The following THUMPD3 variants were observed in gnomAD, a reference collection of about 807,000 sequenced individuals.
THUMPD3 encodes the protein THUMP domain 3 tRNA guanosine methyltransferase.
A neutral mutation model predicts 54.5 loss-of-function variants in THUMPD3; 44 were observed. That is an observed-to-expected ratio of 0.81 (90% confidence interval 0.63 to 1.04). The LOEUF (loss-of-function observed/expected upper bound fraction) is 1.04, where lower values mean the gene tolerates loss of function less well. THUMPD3 is among the 50% of genes least tolerant of loss of function. The probability of loss-of-function intolerance (pLI) is 0.00; values close to 1 mark genes in which losing one functional copy is unlikely to be tolerated. For synonymous variants in THUMPD3, 196 were observed against 201.4 expected, an observed-to-expected ratio of 0.97 and a Z score of 0.23; for missense variants, 604 against 601.3, an observed-to-expected ratio of 1.00 and a Z score of -0.05.
At chr3:9,381,381 T>C (rs576950392) in intron 7 of THUMPD3, among the ~76,000 whole-genome samples, 6 of 152,248 alleles carry the variant, frequency 3.9e-5, no homozygotes, top group Admixed American at 1.3e-4. Context: ...CAAACATTAA[T>C]GTACATGTGA....
In THUMPD3 at chr3:9,386,072, G is replaced by A. The variant is rs1472438865; in HGVS notation, c.*1384G>A. 4 of 152,120 alleles carry A rather than the reference G, an allele frequency of 2.6e-5. No homozygotes were observed. Among genetic ancestry groups the A allele is most frequent in the Non-Finnish European group, 4.4e-5 (3 of 68,026 alleles). 9.4% of individuals were successfully genotyped at this position (152,120 alleles called of 1,614,324 possible). On this transcript the variant is annotated 3_prime_UTR_variant, in exon 10 of 10. Transcript: ENST00000452837. Reference sequence around the variant, plus strand: ...TAATACTTTCTGATGTCTCCATTGAGAATAAAAGGACACAATACTTTTGAA... The same window carrying A: ...TAATACTTTCTGATGTCTCCATTGAAAATAAAAGGACACAATACTTTTGAA...
At chr3:9,371,573 C>A in intron 4 of THUMPD3, 37 bp downstream of exon 4, 1 of 1,507,556 alleles carries the variant, frequency 6.6e-7, no homozygotes, top group Non-Finnish European at 9.1e-7. Flanking sequence ...TTGAAGAATG[C>A]TGTCACAGAT....
chr3:9,372,339 G>A (rs1188334045), intron 4 of THUMPD3, among the ~76,000 whole-genome samples: 1 of 152,188 alleles, frequency 6.6e-6, no homozygotes. Flanking sequence ...ACTTTGGGAG[G>A]GAGGCCGAGG....
intron 7 of THUMPD3, among the ~76,000 whole-genome samples, chr3:9,381,956 TG>T (rs1410782166): frequency 6.6e-6 from 1 of 151,250 alleles, no homozygotes; most frequent in Non-Finnish European, 1.5e-5. Context: ...ATTTTTTTTT[TG>T]TATTTTTAGT....
intron 6 of THUMPD3, among the ~76,000 whole-genome samples, chr3:9,378,254 C>T (rs1345753907): frequency 6.6e-6 from 1 of 152,156 alleles, no homozygotes; most frequent in Non-Finnish European, 1.5e-5. Flanking sequence ...CTCTGTAATC[C>T]ACTTAAGTTC....
At position 9,386,260 on chromosome 3, in the gene THUMPD3, G is replaced by A. The variant is rs983414375; in HGVS notation, c.*1572G>A. ...GAATTCACAGCTGCTTTGTTTATGGGCCGAACACAAAACTTTTCACCTGAT... is the reference window on the plus strand; with the variant it reads ...GAATTCACAGCTGCTTTGTTTATGGACCGAACACAAAACTTTTCACCTGAT... On this transcript the variant is annotated 3_prime_UTR_variant, in exon 10 of 10. Coordinates refer to ENST00000452837, the MANE Select transcript of THUMPD3 (RefSeq NM_001114092.2). The A allele has an allele frequency of 6.6e-6, 1 of 152,038 alleles. No homozygotes were observed. Among genetic ancestry groups the A allele is most frequent in the South Asian group, 2.1e-4 (1 of 4,818 alleles). The allele number at this position is 152,038 out of a possible 1,614,324, so 9.4% of individuals were successfully genotyped here.
intron 1 of THUMPD3, chr3:9,363,702 A>G (rs1374155477): frequency 6.6e-6 from 1 of 151,678 alleles, no homozygotes; most frequent in African/African-American, 2.4e-5. Context: ...CTCTCTCCTG[A>G]TGCCCATCTA....
intron 2 of THUMPD3, 105 bp downstream of exon 2, chr3:9,365,425 GC>G: frequency 7.3e-7 from 1 of 1,375,348 alleles, no homozygotes; most frequent in Non-Finnish European, 9.9e-7. Flanking sequence ...TCATTGCTCT[GC>G]CCCAAATCAG....
chr3:9,384,130 G>A (rs543669152), intron 8 of THUMPD3, 82 bp from the exon 9 acceptor site: 3 of 1,447,734 alleles, frequency 2.1e-6, no homozygotes, highest in Admixed American at 2.0e-5. Context: ...GCCTCAGGAT[G>A]CATGAAACTG....
chr3:9,375,593 T>C (rs543540462), intron 5 of THUMPD3, among the ~76,000 whole-genome samples: 7 of 152,342 alleles, frequency 4.6e-5, no homozygotes, highest in Admixed American at 4.6e-4. Flanking sequence ...AAAATACCTA[T>C]TATATACAGT....
At chr3:9,380,407 A>G (rs1437398555) in intron 6 of THUMPD3, 96 bp from the exon 7 acceptor site, 1 of 794,442 alleles carries the variant, frequency 1.3e-6, no homozygotes, top group East Asian at 2.6e-5. Context: ...ATGTTTTGCC[A>G]CTCTAGAAAA....
Position 9,380,496 on chromosome 3 carries a change from C to G in THUMPD3, c.1009-7C>G, listed in dbSNP as rs780429869. 15 of 1,584,674 alleles carry G rather than the reference C, an allele frequency of 9.5e-6. No individual in the cohort carries two copies. Among genetic ancestry groups the G allele is most frequent in the Non-Finnish European group, 1.2e-5 (14 of 1,157,082 alleles). On this transcript the variant is annotated splice_polypyrimidine_tract_variant and splice_region_variant and intron_variant, in intron 6 of 9. Coordinates refer to ENST00000452837, the MANE Select transcript of THUMPD3 (RefSeq NM_001114092.2). ...CTTTTGTTTTAACATACACTCTTAT[C>G]TTTTAGGGGGCCACTGAATGGTCTG...
intron 6 of THUMPD3, among the ~76,000 whole-genome samples, chr3:9,379,918 G>A (rs556749916): frequency 6.6e-6 from 1 of 152,194 alleles, no homozygotes; most frequent in South Asian, 2.1e-4. Flanking sequence ...TCAAACTCCT[G>A]GGCTCAAGAA....
intron 1 of THUMPD3, chr3:9,363,985 TCTTGGCCTCAAGC>T (rs2031216878): frequency 6.6e-6 from 1 of 151,934 alleles, no homozygotes; most frequent in South Asian, 2.1e-4. Flanking sequence ...GGTCTCGAAC[TCTTGGCCTCAAGC>T]AATCTACTCA....
intron 5 of THUMPD3, among the ~76,000 whole-genome samples, chr3:9,375,426 T>C (rs1406667007): frequency 1.3e-5 from 2 of 152,244 alleles, no homozygotes; most frequent in African/African-American, 4.8e-5. Context: ...ACGACCTATC[T>C]TTCCTTCTCC....
At chr3:9,368,998 A>G (rs907970442) in intron 3 of THUMPD3, among the ~76,000 whole-genome samples, 10 of 151,806 alleles carry the variant, frequency 6.6e-5, no homozygotes, top group Non-Finnish European at 7.4e-5. Context: ...AATGTTTTGG[A>G]TTTTTGTTTG....
intron 5 of THUMPD3, 36 bp from the exon 6 acceptor site, chr3:9,377,783 A>G: frequency 1.9e-6 from 3 of 1,541,270 alleles, no homozygotes; most frequent in Non-Finnish European, 2.7e-6. Flanking sequence ...TCAGCTTTTG[A>G]GTGAGTCTTC....
In THUMPD3 at chr3:9,380,545, A is replaced by C. The variant is rs776281798; in HGVS notation, c.1051A>C (p.Asn351His). The C allele has an allele frequency of 1.2e-6, 2 of 1,613,648 alleles. No individual in the cohort carries two copies. Among genetic ancestry groups the C allele is most frequent in the Non-Finnish European group, 1.7e-6 (2 of 1,179,816 alleles). Residue 351 changes from asparagine to histidine, a missense_variant, in exon 7 of 10, where the codon AAT becomes CAT. Transcript: ENST00000452837. ...WSDCFHIAGD[N>H]NPLAVNRAAN... ...TGACTGTTTCCATATTGCTGGTGAT[A>C]ATAATCCACTGGCTGTGAATAGAGC...
Position 9,384,265 on chromosome 3 carries a change from T to C in THUMPD3, c.1289T>C (p.Met430Thr). Residue 430 changes from methionine to threonine, a missense_variant, in exon 9 of 10, where the codon ATG (methionine) becomes ACG (threonine). Physicochemically the swap from Met to Thr is moderately conservative, Grantham distance 81. Transcript: ENST00000452837. ...WNLYPACLRE[M>T]SRVCTPTTGR... The stretch of plus-strand genomic sequence containing the variant: ...CTTTATCCAGCTTGCCTACGGGAGA[T>C]GAGCCGTGTCTGCACACCTACCACA... 1 of 1,614,214 alleles carries C rather than the reference T, an allele frequency of 6.2e-7. No homozygotes were observed. The highest frequency in any genetic ancestry group is 8.5e-7 in the Non-Finnish European group (1 of 1,180,030).
Sources: allele counts gnomAD v4.1 joint callset (sites outside exome capture counted in the v4.1 genomes callset), GRCh38; gene constraint gnomAD v4.1.1; transcripts MANE v1.5; gene names NCBI Gene and HGNC (gene_info 2026-07-23, HGNC 2026-07-21).